SETD1B: variants seen among roughly 807,000 people sequenced by gnomAD.
The protein encoded by SETD1B is histone-lysine N-methyltransferase SETD1B.
Under a neutral mutation model 148.0 loss-of-function variants are expected in SETD1B, and 7 were observed. The observed-to-expected ratio is 0.05, with a 90% CI of 0.03 to 0.09. The LOEUF is 0.09. Among genes scored for constraint, SETD1B ranks in the 10% least tolerant of loss-of-function variants. The pLI, the probability that SETD1B is intolerant of heterozygous loss-of-function variation, is 1.00. For synonymous variants in SETD1B, 1,361 were observed against 1,186.5 expected (o/e 1.15, Z -3.02); for missense variants, 2,155 against 2,729.9 (o/e 0.79, Z 4.69).
chr12:121,816,945 G>T lies in SETD1B; in HGVS notation c.2716-88G>T, dbSNP rs970247291. On this transcript the variant is annotated intron_variant, in intron 7 of 16. Transcript: ENST00000604567. ...GTTACCTGTGGTGGCTGTTACTGCC[G>T]AGTGGAAGGCAGGTAGCCTGGGGAG... 8.9e-6 allele frequency: 11 copies of T among 1,233,282 alleles called. No individual in the cohort carries two copies. In the African/African-American group the frequency reaches 1.2e-4, roughly 14 times the overall value. The allele number at this position is 1,233,282 out of a possible 1,614,324, so 76.4% of individuals were successfully genotyped here.
Position 121,808,199 on chromosome 12 carries a change from C to T in SETD1B, c.545-9C>T. ...CTCACTGAGTTCCCCCTTTCCTGCC[C>T]ATCTACAGGGGAAACCCGAATGCGG... On this transcript the variant is annotated splice_polypyrimidine_tract_variant and intron_variant, in intron 4 of 16. Coordinates refer to ENST00000604567, the MANE Select transcript of SETD1B (RefSeq NM_001353345.2). The surrounding 1 kb of genome is among the most constrained non-coding windows in gnomAD (Gnocchi z 5.3). The T allele has an allele frequency of 1.9e-6, 3 of 1,547,282 alleles. No homozygotes were observed. Among genetic ancestry groups the T allele is most frequent in the Non-Finnish European group, 2.6e-6 (3 of 1,143,408 alleles).
Position 121,809,591 on chromosome 12 carries a change from G to C in SETD1B, c.658-12G>C. 2 of 1,532,308 alleles carry C rather than the reference G, an allele frequency of 1.3e-6. No homozygotes were observed. The highest frequency in any genetic ancestry group is 1.8e-6 in the Non-Finnish European group (2 of 1,135,792). The allele number at this position is 1,532,308 out of a possible 1,614,324, so 94.9% of individuals were successfully genotyped here. On this transcript the variant is annotated splice_polypyrimidine_tract_variant and intron_variant, in intron 5 of 16. Coordinates refer to ENST00000604567, the MANE Select transcript of SETD1B (RefSeq NM_001353345.2). ...TTTCCCCCAGTGGTCTGACATCTCT[G>C]TCTCTCCTTAGCTGTCAGATGCCCT...
At chr12:121,793,574 C>G in the SETD1B span, 4 of 1,553,230 alleles carry the variant, frequency 2.6e-6, no homozygotes, top group Non-Finnish European at 3.5e-6. Context: ...TCACGATCTT[C>G]AGCTCCTTCC....
At chr12:121,824,447 G>T (rs1417599571) in intron 12 of SETD1B, among the ~76,000 whole-genome samples, 3 of 152,128 alleles carry the variant, frequency 2.0e-5, no homozygotes, top group African/African-American at 7.2e-5. Flanking sequence ...AGAAGTTTGA[G>T]ACCAGCCTGG....
chr12:121,799,736 T>TGGG (rs1459030938), upstream of SETD1B: 1 of 30,934 alleles, frequency 3.2e-5, no homozygotes, highest in Non-Finnish European at 6.9e-5. Context: ...GGGGGTGGGG[T>TGGG]GGGGCGGGGC....
At chr12:121,802,495 G>A (rs1464170744), upstream of SETD1B, 1 of 152,074 alleles carries the variant, frequency 6.6e-6, no homozygotes, top group African/African-American at 2.4e-5. Context: ...AAGATGGCCA[G>A]GTTTAAGTGT....
At chr12:121,821,193 A>G (rs568813023) in intron 11 of SETD1B, among the ~76,000 whole-genome samples, 8 of 152,306 alleles carry the variant, frequency 5.3e-5, no homozygotes, top group East Asian at 1.9e-4. Context: ...TGTCCCTGCT[A>G]TTATTTTAGG....
intron 16 of SETD1B, among the ~76,000 whole-genome samples, chr12:121,828,875 C>T (rs1474201827): frequency 1.3e-5 from 2 of 152,236 alleles, no homozygotes; most frequent in Non-Finnish European, 1.5e-5. Context: ...CTGGCCAGGC[C>T]AGTCCTCAGC....
rs2137550950 is a variant in SETD1B, at chr12:121,809,809, C to T, written c.864C>T (p.Ser288=). 1.3e-6 allele frequency: 2 copies of T among 1,551,578 alleles called. No homozygotes were observed. Among genetic ancestry groups the T allele is most frequent in the African/African-American group, 1.4e-5 (1 of 73,164 alleles). The change falls in exon 6 of 17, where the codon AGC becomes AGT. Residue 288 remains serine (S), a synonymous_variant. Coordinates refer to ENST00000604567, the MANE Select transcript of SETD1B (RefSeq NM_001353345.2). ...RLGTPFSQDS[S]YSSRQPTPSY... ...GCACCCCTTTCTCACAGGACTCCAG[C>T]TACTCCAGCCGCCAGCCCACACCCT...
At position 121,825,218 on chromosome 12, in the gene SETD1B, C is replaced by G. The variant is rs1876782686; in HGVS notation, c.5189C>G (p.Ala1730Gly). 2.6e-6 allele frequency: 4 copies of G among 1,551,486 alleles called. No homozygotes were observed. In the South Asian group the frequency reaches 4.8e-5, roughly 18 times the overall value. The change falls in exon 13 of 17, where the codon GCT becomes GGT. Residue 1730 changes from alanine (A) to glycine (G), a missense_variant. By Grantham distance (60) the Ala-to-Gly change is moderately conservative. Coordinates refer to ENST00000604567, the MANE Select transcript of SETD1B (RefSeq NM_001353345.2). Reference protein sequence around the residue: ...VYHPSTSLSSAKKKKRDDGIR... With the variant: ...VYHPSTSLSSGKKKKRDDGIR... Reference sequence around the variant, plus strand: ...CACCCACCCACCAGCCTCTCTTCAGCTAAGAAGAAGAAACGGGACGATGGC... The same window carrying G: ...CACCCACCCACCAGCCTCTCTTCAGGTAAGAAGAAGAAACGGGACGATGGC...
At chr12:121,806,532 A>C (rs1875750293) in intron 4 of SETD1B, among the ~76,000 whole-genome samples, 2 of 152,250 alleles carry the variant, frequency 1.3e-5, no homozygotes, top group African/African-American at 4.8e-5. Flanking sequence ...TGAAAACTGA[A>C]AAGAGAGTCC....
chr12:121,792,410 G>A, the SETD1B span, among the ~76,000 whole-genome samples: 69 of 152,266 alleles, frequency 4.5e-4, 2 homozygotes, highest in Non-Finnish European at 1.6e-4. Context: ...TCACAACACC[G>A]ACTCCCAAGC....
At position 121,810,962 on chromosome 12, in the gene SETD1B, C is replaced by A; in HGVS notation, c.1890+127C>A. On this transcript the variant is annotated intron_variant, in intron 6 of 16. Coordinates refer to ENST00000604567, the MANE Select transcript of SETD1B (RefSeq NM_001353345.2). This position sits in a 1 kb window ranked among gnomAD's most constrained non-coding sequence, Gnocchi z 7.6. ...AATGGGGCTAGGAAAGCCAATATAA[C>A]AGGTGGAACTTACAGAATAAAAAGG... is the stretch of plus-strand genomic sequence containing the variant. 8.3e-7 allele frequency: 1 copy of A among 1,203,670 alleles called. No homozygotes were observed. The highest frequency in any genetic ancestry group is 1.1e-6 in the Non-Finnish European group (1 of 889,872). 74.6% of individuals were successfully genotyped at this position (1,203,670 alleles called of 1,614,324 possible).
rs1353872930 is a variant in SETD1B, at chr12:121,804,412, G to A, written c.-15+179G>A. On this transcript the variant is annotated intron_variant, in intron 1 of 16. Coordinates refer to ENST00000604567, the MANE Select transcript of SETD1B (RefSeq NM_001353345.2). This position sits in a 1 kb window ranked among gnomAD's most constrained non-coding sequence, Gnocchi z 4.6. ...CGGGTGAGCGCCACGCCGGGCGGCCGGGCGGGCACCATGGGCCGGAGTCCG... is the reference window on the plus strand; with the variant it reads ...CGGGTGAGCGCCACGCCGGGCGGCCAGGCGGGCACCATGGGCCGGAGTCCG... Among the ~76,000 whole-genome samples, 3 of 148,396 alleles carry A rather than the reference G, an allele frequency of 2.0e-5. No individual in the cohort carries two copies. The highest frequency in any genetic ancestry group is 7.3e-5 in the African/African-American group (3 of 40,932).
chr12:121,827,442 A>G (rs923782346), intron 13 of SETD1B, 77 bp from the exon 14 acceptor site: 34 of 1,447,920 alleles, frequency 2.3e-5, no homozygotes, highest in Non-Finnish European at 2.9e-5. Context: ...ACTGGGGATG[A>G]CAGAGATCCA....
chr12:121,823,003 C>T lies in SETD1B; in HGVS notation c.4424C>T (p.Pro1475Leu). Residue 1475 changes from proline to leucine, a missense_variant, in exon 12 of 17, where the codon CCT (proline) becomes CTT (leucine). Transcript: ENST00000604567. ...PVLLETGLPL[P>L]LPLPLPLPLA... ...CTCCTGGAGACGGGCCTGCCCCTCC[C>T]TCTGCCCCTTCCCCTGCCCTTGCCC... is the stretch of plus-strand genomic sequence containing the variant. 1 of 1,527,796 alleles carries T rather than the reference C, an allele frequency of 6.5e-7. No individual in the cohort carries two copies. Among genetic ancestry groups the T allele is most frequent in the Non-Finnish European group, 8.8e-7 (1 of 1,139,088 alleles). The allele number at this position is 1,527,796 out of a possible 1,614,324, so 94.6% of individuals were successfully genotyped here. A position where few individuals can be genotyped will look rare whatever the true frequency, so the allele number is the denominator to read the frequency against.
chr12:121,791,434 C>A, the SETD1B span, among the ~76,000 whole-genome samples: 3 of 152,160 alleles, frequency 2.0e-5, no homozygotes, highest in African/African-American at 7.2e-5. Context: ...CCCAATGATA[C>A]GTAGCCAATA....
chr12:121,820,288 C>T (rs565435947), intron 11 of SETD1B, among the ~76,000 whole-genome samples: 6 of 152,332 alleles, frequency 3.9e-5, no homozygotes, highest in African/African-American at 1.4e-4. Context: ...ATTGCCCCCT[C>T]CGGCATCGTG....
chr12:121,829,976 A>T, intron 16 of SETD1B, 90 bp from the exon 17 acceptor site: 3 of 1,265,490 alleles, frequency 2.4e-6, no homozygotes, highest in Non-Finnish European at 3.3e-6. Flanking sequence ...GTCAGGCCTT[A>T]AGCACAGGCC....
Sources: gnomAD v4.1 joint callset for allele counts (sites outside exome capture counted in the v4.1 genomes callset) on GRCh38, gnomAD v4.1.1 for gene constraint, Gnocchi (gnomAD v3.1) non-coding constraint, MANE v1.5 for transcripts, NCBI Gene and HGNC (gene_info 2026-07-23, HGNC 2026-07-21) for gene names.